Variants in ROBO2 observed in about 807,000 individuals in gnomAD.
ROBO2 encodes roundabout guidance receptor 2.
ROBO2 carries 53 observed loss-of-function variants against 160.8 expected under a neutral mutation model. The observed-to-expected ratio is 0.33, with a 90% CI of 0.26 to 0.41. The LOEUF (loss-of-function observed/expected upper bound fraction) is 0.41. ROBO2 is among the 10% of genes least tolerant of loss of function. The pLI is 1.00. For synonymous variants in ROBO2, 664 were observed against 611.7 expected, an observed-to-expected ratio of 1.09 and a Z score of -1.26; for missense variants, 1,577 against 1,722.4, an observed-to-expected ratio of 0.92 and a Z score of 1.49.
intron 2 of ROBO2, among the ~76,000 whole-genome samples, chr3:76,607,626 A>C (rs1037710756): frequency 6.6e-6 from 1 of 152,190 alleles, no homozygotes; most frequent in Non-Finnish European, 1.5e-5. Context: ...CACACTTTGC[A>C]CATTCAGTAA....
rs543349846 is a variant in ROBO2 at position 76,992,461 on chromosome 3, A to G, written c.110-105553A>G. Reference sequence around the variant, plus strand: ...ACATCAGTTACCATTACTGAAATACATCTCTAAAGAAGACTTAATGCCACC... The same window carrying G: ...ACATCAGTTACCATTACTGAAATACGTCTCTAAAGAAGACTTAATGCCACC... On this transcript the variant is annotated intron_variant, in intron 2 of 26. Transcript: ENST00000487694. 2.6e-5 allele frequency among the ~76,000 whole-genome samples: 4 copies of G among 151,210 alleles called. No individual in the cohort carries two copies. The South Asian group carries it at 8.4e-4, about 32-fold the overall frequency.
intron 1 of ROBO2, among the ~76,000 whole-genome samples, chr3:75,917,406 A>G (rs1312493140): frequency 6.6e-6 from 1 of 152,232 alleles, no homozygotes; most frequent in Non-Finnish European, 1.5e-5. Context: ...CATGGTGAAT[A>G]TATGACACAT....
At chr3:76,287,693 T>C (rs1297439959) in intron 2 of ROBO2, among the ~76,000 whole-genome samples, 2 of 152,226 alleles carry the variant, frequency 1.3e-5, no homozygotes, top group Admixed American at 6.5e-5. Flanking sequence ...AGCCACACTG[T>C]CTATGTTAGA....
intron 2 of ROBO2, among the ~76,000 whole-genome samples, chr3:76,558,182 T>C (rs1279922754): frequency 6.6e-6 from 1 of 152,114 alleles, no homozygotes; most frequent in East Asian, 1.9e-4. Flanking sequence ...GGAATTCATA[T>C]TCCCGTGTGA....
At chr3:76,370,226 A>C (rs554592990) in intron 2 of ROBO2, among the ~76,000 whole-genome samples, 1 of 151,992 alleles carries the variant, frequency 6.6e-6, no homozygotes, top group African/African-American at 2.4e-5. Flanking sequence ...ATGCAAGATA[A>C]TGCATTGTGG....
At chr3:76,395,298 A>G (rs1024120807) in intron 2 of ROBO2, among the ~76,000 whole-genome samples, 12 of 150,408 alleles carry the variant, frequency 8.0e-5, no homozygotes, top group African/African-American at 2.7e-4. Flanking sequence ...GACACAACAT[A>G]CCAGAATCTC....
At chr3:77,644,245 A>T (rs1353914611) in intron 24 of ROBO2, among the ~76,000 whole-genome samples, 1 of 152,158 alleles carries the variant, frequency 6.6e-6, no homozygotes, top group Admixed American at 6.5e-5. Flanking sequence ...TTAAAAGCTT[A>T]TTTAACTAAT....
At chr3:77,300,212 T>C (rs2062535977) in intron 2 of ROBO2, among the ~76,000 whole-genome samples, 1 of 151,418 alleles carries the variant, frequency 6.6e-6, no homozygotes, top group Admixed American at 6.6e-5. Context: ...TACTGCTCTT[T>C]CTCAAACTCT....
At chr3:76,762,845 T>C (rs962020472) in intron 2 of ROBO2, among the ~76,000 whole-genome samples, 2 of 151,744 alleles carry the variant, frequency 1.3e-5, no homozygotes, top group Non-Finnish European at 3.0e-5. Context: ...CAGGGTTACC[T>C]ATATTGTGTT....
intron 2 of ROBO2, among the ~76,000 whole-genome samples, chr3:76,436,630 A>G (rs1478973011): frequency 6.6e-6 from 1 of 152,158 alleles, no homozygotes; most frequent in Non-Finnish European, 1.5e-5. Flanking sequence ...ATAAACCTTG[A>G]TGTGCTTAAA....
At chr3:77,409,560 G>A (rs192865314) in intron 2 of ROBO2, among the ~76,000 whole-genome samples, 28 of 152,182 alleles carry the variant, frequency 1.8e-4, no homozygotes, top group African/African-American at 5.3e-4. Flanking sequence ...TGAGTGCCCC[G>A]AGAGAATACA....
At chr3:77,604,193 C>T (rs973142483) in intron 20 of ROBO2, among the ~76,000 whole-genome samples, 1 of 152,052 alleles carries the variant, frequency 6.6e-6, no homozygotes, top group Non-Finnish European at 1.5e-5. Context: ...TTTTAAACAT[C>T]TGTTATGAAT....
chr3:76,219,220 C>T (rs1009623273), intron 2 of ROBO2, among the ~76,000 whole-genome samples: 1 of 152,116 alleles, frequency 6.6e-6, no homozygotes, highest in Non-Finnish European at 1.5e-5. Flanking sequence ...ACCATAAAAA[C>T]CCTAGAAGAA....
At chr3:76,805,396 T>C (rs866939200) in intron 2 of ROBO2, among the ~76,000 whole-genome samples, 51 of 152,118 alleles carry the variant, frequency 3.4e-4, no homozygotes, top group African/African-American at 1.2e-3. Context: ...GAATATATCC[T>C]GCCACCAAAA....
chr3:76,264,124 G>T (rs904632924), intron 2 of ROBO2, among the ~76,000 whole-genome samples: 4 of 151,972 alleles, frequency 2.6e-5, no homozygotes, highest in African/African-American at 9.7e-5. Flanking sequence ...ATGCATGTGG[G>T]ACTTAAAACC....
At chr3:76,812,406 T>A (rs1415858829) in intron 2 of ROBO2, among the ~76,000 whole-genome samples, 1 of 148,752 alleles carries the variant, frequency 6.7e-6, no homozygotes, top group African/African-American at 2.5e-5. Context: ...ACCATGAGTA[T>A]TTGAGCATCG....
chr3:77,015,890 A>T (rs1375857910), intron 2 of ROBO2, among the ~76,000 whole-genome samples: 1 of 152,228 alleles, frequency 6.6e-6, no homozygotes, highest in Non-Finnish European at 1.5e-5. Context: ...CATTTGAAAT[A>T]TAACTTGATC....
intron 2 of ROBO2, among the ~76,000 whole-genome samples, chr3:76,208,531 G>A (rs1357124661): frequency 1.3e-5 from 2 of 152,106 alleles, no homozygotes; most frequent in African/African-American, 4.8e-5. Context: ...TCTTAGACAC[G>A]TGATTTCCCA....
chr3:76,346,249 A>ATTT (rs74266989), intron 2 of ROBO2, among the ~76,000 whole-genome samples: 62 of 143,442 alleles, frequency 4.3e-4, no homozygotes, highest in African/African-American at 1.6e-3. Context: ...CATTAAGAGA[A>ATTT]TTTTTTTTTT....
Sources: gnomAD v4.1 joint callset for allele counts (sites outside exome capture counted in the v4.1 genomes callset) on GRCh38, gnomAD v4.1.1 for gene constraint, MANE v1.5 for transcripts, NCBI Gene and HGNC (gene_info 2026-07-23, HGNC 2026-07-21) for gene names.